The following MTUS2 variants were observed in gnomAD, a reference collection of about 807,000 sequenced individuals.
MTUS2 encodes the protein microtubule associated scaffold protein 2, also known as microtubule-associated tumor suppressor candidate 2.
In MTUS2, 40 loss-of-function variants were observed where a neutral mutation model predicts 114.1. That is an observed-to-expected ratio of 0.35 (90% CI 0.27 to 0.46). The LOEUF (loss-of-function observed/expected upper bound fraction) is 0.46. MTUS2 is among the 20% of genes least tolerant of loss of function. MTUS2 has a pLI of 1.00. For missense variants in MTUS2, 1,679 were observed against 1,705.4 expected (o/e 0.98, Z 0.27); for synonymous variants, 688 against 672.0 (o/e 1.02, Z -0.37).
chr13:29,415,620 A>G (rs919082930), intron 8 of MTUS2, among the ~76,000 whole-genome samples: 1 of 152,084 alleles, frequency 6.6e-6, no homozygotes, highest in Non-Finnish European at 1.5e-5. Flanking sequence ...TGGATGTTGT[A>G]TATAGTTGAG....
chr13:29,245,708 T>A (rs1251133584), intron 5 of MTUS2, among the ~76,000 whole-genome samples: 2 of 149,644 alleles, frequency 1.3e-5, no homozygotes, highest in Non-Finnish European at 3.0e-5. Context: ...TTTTTTTTTT[T>A]TTTTTTGAGA....
intron 2 of MTUS2, among the ~76,000 whole-genome samples, chr13:28,871,478 A>G (rs976947118): frequency 2.0e-5 from 3 of 152,158 alleles, no homozygotes; most frequent in African/African-American, 7.2e-5. Context: ...AGAGAAATAG[A>G]AGAATGAGAG....
At chr13:29,389,644 TG>T in intron 8 of MTUS2, among the ~76,000 whole-genome samples, 1 of 146,834 alleles carries the variant, frequency 6.8e-6, no homozygotes, top group Non-Finnish European at 1.5e-5. Context: ...CATATGTGTA[TG>T]TATATACGTA....
chr13:28,932,117 T>C (rs921505311), intron 2 of MTUS2, among the ~76,000 whole-genome samples: 3 of 152,148 alleles, frequency 2.0e-5, no homozygotes, highest in Non-Finnish European at 2.9e-5. Context: ...CAACAGAGAA[T>C]CCCATATAAG....
At chr13:29,465,119 A>G (rs909519515) in intron 9 of MTUS2, among the ~76,000 whole-genome samples, 5 of 152,244 alleles carry the variant, frequency 3.3e-5, no homozygotes, top group Non-Finnish European at 7.3e-5. Context: ...AGGACACAGT[A>G]GAGCAGCCGG....
chr13:29,474,504 C>T (rs1205237155), intron 9 of MTUS2, among the ~76,000 whole-genome samples: 1 of 152,146 alleles, frequency 6.6e-6, no homozygotes, highest in African/African-American at 2.4e-5. Context: ...AATCCCTGTA[C>T]CTTGGCACCC....
chr13:29,044,841 G>C (rs565045394), intron 4 of MTUS2, among the ~76,000 whole-genome samples: 86 of 152,272 alleles, frequency 5.6e-4, no homozygotes, highest in African/African-American at 1.9e-3. Context: ...GGAGGCTCTG[G>C]AGAAATATTT....
intron 8 of MTUS2, among the ~76,000 whole-genome samples, chr13:29,435,910 C>A (rs895447577): frequency 2.0e-5 from 3 of 152,170 alleles, no homozygotes; most frequent in Admixed American, 6.5e-5. Context: ...CAGACAGCAT[C>A]CTTCTAGAAG....
At chr13:29,319,892 G>A (rs1900180476) in intron 6 of MTUS2, among the ~76,000 whole-genome samples, 1 of 152,148 alleles carries the variant, frequency 6.6e-6, no homozygotes, top group African/African-American at 2.4e-5. Context: ...ATAAGTGTCA[G>A]GGACTCCAGG....
intron 4 of MTUS2, among the ~76,000 whole-genome samples, chr13:29,035,455 G>T (rs2138527591): frequency 6.6e-6 from 1 of 152,328 alleles, no homozygotes. Context: ...CCTTGAGCCA[G>T]GCCAGTAGCT....
rs183035615 is a variant in MTUS2, at chr13:29,135,269, G to A, written c.2644+34299G>A. On this transcript the variant is annotated intron_variant, in intron 5 of 15. Coordinates refer to ENST00000612955, the MANE Select transcript of MTUS2 (RefSeq NM_001033602.4). The stretch of plus-strand genomic sequence containing the variant: ...AGGAATGTATTCCCCACAAATAAGG[G>A]GGGACTACTATAATGTCCTTCTTTG... Among the ~76,000 whole-genome samples, 24 of 152,230 alleles carry A rather than the reference G, an allele frequency of 1.6e-4. No homozygotes were observed. The East Asian group carries it at 4.2e-3, about 27-fold the overall frequency.
chr13:28,838,482 T>C (rs1875244207), intron 1 of MTUS2, among the ~76,000 whole-genome samples: 1 of 152,358 alleles, frequency 6.6e-6, no homozygotes, highest in Non-Finnish European at 1.5e-5. Context: ...CATTGCCCCA[T>C]GGACTTGGGC....
At chr13:28,956,062 C>G (rs1243986830) in intron 2 of MTUS2, among the ~76,000 whole-genome samples, 3 of 148,250 alleles carry the variant, frequency 2.0e-5, no homozygotes, top group South Asian at 2.3e-4. Flanking sequence ...TTGCCCCCCC[C>G]CATCCTTTCC....
At chr13:29,271,942 C>T (rs149829941) in intron 5 of MTUS2, among the ~76,000 whole-genome samples, 131 of 152,256 alleles carry the variant, frequency 8.6e-4, no homozygotes, top group African/African-American at 2.9e-3. Context: ...TTAAAACTTT[C>T]CCCTCACTCT....
intron 5 of MTUS2, among the ~76,000 whole-genome samples, chr13:29,186,111 G>T (rs1027247098): frequency 6.6e-6 from 1 of 152,184 alleles, no homozygotes; most frequent in Admixed American, 6.5e-5. Context: ...CTACTTAGGA[G>T]GCTGAGGTGG....
intron 5 of MTUS2, among the ~76,000 whole-genome samples, chr13:29,182,581 A>C (rs1894052317): frequency 6.6e-6 from 1 of 152,226 alleles, no homozygotes; most frequent in Non-Finnish European, 1.5e-5. Context: ...CTAGGATCTT[A>C]GCTAGATTCT....
chr13:29,489,342 C>T (rs1417662648), intron 11 of MTUS2, among the ~76,000 whole-genome samples: 1 of 152,192 alleles, frequency 6.6e-6, no homozygotes, highest in African/African-American at 2.4e-5. Context: ...GAATTAGCAT[C>T]AGAGTTTTTA....
intron 2 of MTUS2, among the ~76,000 whole-genome samples, chr13:28,894,738 T>G (rs544359850): frequency 2.6e-5 from 4 of 152,206 alleles, no homozygotes; most frequent in Admixed American, 2.0e-4. Flanking sequence ...AAAACTGGGG[T>G]GGGTTTGTGT....
intron 5 of MTUS2, among the ~76,000 whole-genome samples, chr13:29,167,139 C>T (rs932777420): frequency 3.9e-5 from 6 of 152,198 alleles, no homozygotes; most frequent in African/African-American, 1.4e-4. Flanking sequence ...CTTTGGGAGG[C>T]CTAGGCGGGC....
Sources: gnomAD v4.1 joint callset for allele counts (sites outside exome capture counted in the v4.1 genomes callset) on GRCh38, gnomAD v4.1.1 for gene constraint, MANE v1.5 for transcripts, NCBI Gene and HGNC (gene_info 2026-07-23, HGNC 2026-07-21) for gene names.